STIM1: variants seen among roughly 807,000 people sequenced by gnomAD.
STIM1 encodes the protein stromal interaction molecule 1.
Under a neutral mutation model 74.7 loss-of-function variants are expected in STIM1, and 25 were observed. The ratio of observed to expected loss-of-function variants is 0.33; its 90% CI spans 0.24 to 0.47. STIM1 has a LOEUF of 0.47. Ranked by LOEUF, STIM1 falls within the 20% of genes least tolerant of loss-of-function variation. The pLI is 1.00. For synonymous variants in STIM1, 328 were observed against 348.8 expected, an observed-to-expected ratio of 0.94 and a Z score of 0.66; for missense variants, 728 against 920.8, an observed-to-expected ratio of 0.79 and a Z score of 2.71.
chr11:4,034,449 T>C (rs1226105450), intron 3 of STIM1, among the ~76,000 whole-genome samples: 2 of 152,162 alleles, frequency 1.3e-5, no homozygotes, highest in Non-Finnish European at 2.9e-5. Context: ...GTTTTGAGTG[T>C]AAAGCTAACC....
At chr11:4,011,071 G>A (rs2093831615) in intron 2 of STIM1, among the ~76,000 whole-genome samples, 1 of 152,174 alleles carries the variant, frequency 6.6e-6, no homozygotes, top group African/African-American at 2.4e-5. Context: ...TGGCTGCATA[G>A]TAGTCCATGG....
intron 1 of STIM1, among the ~76,000 whole-genome samples, chr11:3,946,306 G>A (rs1364074465): frequency 3.3e-5 from 5 of 152,152 alleles, no homozygotes; most frequent in Admixed American, 1.3e-4. Flanking sequence ...CCTGATGTGA[G>A]AATTAAATTA....
intron 1 of STIM1, among the ~76,000 whole-genome samples, chr11:3,896,862 C>G (rs1384545744): frequency 1.3e-5 from 2 of 152,128 alleles, no homozygotes; most frequent in Non-Finnish European, 2.9e-5. Flanking sequence ...AGCCTGCTTC[C>G]TCATCTATAA....
chr11:3,957,058 C>T (rs895205524), intron 1 of STIM1, among the ~76,000 whole-genome samples: 8 of 151,966 alleles, frequency 5.3e-5, no homozygotes, highest in African/African-American at 1.9e-4. Context: ...ATAAATATAT[C>T]ATGTGTCAGG....
intron 1 of STIM1, among the ~76,000 whole-genome samples, chr11:3,893,176 T>C (rs1469008601): frequency 6.6e-6 from 1 of 152,326 alleles, no homozygotes; most frequent in Middle Eastern, 3.4e-3. Context: ...ATATTTGGGA[T>C]CCATGAAAAC....
intron 1 of STIM1, among the ~76,000 whole-genome samples, chr11:3,934,217 A>C (rs1273738975): frequency 7.7e-6 from 1 of 129,640 alleles, no homozygotes; most frequent in African/African-American, 2.7e-5. Context: ...GCTTTTCAGC[A>C]CTCTTTTTTT....
intron 2 of STIM1, among the ~76,000 whole-genome samples, chr11:4,000,267 T>G (rs4910871): frequency 1.0e-5 from 1 of 98,772 alleles, no homozygotes; most frequent in African/African-American, 3.7e-5. Context: ...GATCTGAGAA[T>G]GGGCAGACTG....
intron 2 of STIM1, chr11:3,989,522 CGCGAAGCTGG>C (rs1205253353): frequency 5.1e-6 from 3 of 591,954 alleles, no homozygotes; most frequent in Non-Finnish European, 9.6e-6. Context: ...CGAGAGCCTT[CGCGAAGCTGG>C]GCTGCCTGGT....
intron 1 of STIM1, among the ~76,000 whole-genome samples, chr11:3,934,177 G>GAAGT (rs1324741253): frequency 6.6e-6 from 1 of 152,080 alleles, no homozygotes; most frequent in East Asian, 1.9e-4. Flanking sequence ...GGTGGAAGAG[G>GAAGT]AAGTGTAACA....
rs539741406 is a variant in STIM1 at position 3,868,165 on chromosome 11, G to A, written c.139+11756G>A. ...GTTGCTGGGTGGTCGAATTTGTGGA[G>A]GTCTTGTTTCAAGAAACTTTTGCTG... is the stretch of plus-strand genomic sequence containing the variant. On this transcript the variant is annotated intron_variant, in intron 1 of 12. Coordinates refer to ENST00000526596, the MANE Select transcript of STIM1 (RefSeq NM_001382567.1). 4.9e-5 allele frequency: 7 copies of A among 142,584 alleles called. No individual in the cohort carries two copies. In the South Asian group the frequency reaches 1.6e-3, roughly 32 times the overall value. 8.8% of individuals were successfully genotyped at this position (142,584 alleles called of 1,614,324 possible).
chr11:3,980,188 A>G (rs953725357), intron 2 of STIM1, among the ~76,000 whole-genome samples: 1 of 152,248 alleles, frequency 6.6e-6, no homozygotes, highest in Non-Finnish European at 1.5e-5. Flanking sequence ...CAAGCTGATT[A>G]CATATAAAGT....
chr11:4,028,046 T>C (rs1024311171), intron 3 of STIM1, among the ~76,000 whole-genome samples: 1 of 152,232 alleles, frequency 6.6e-6, no homozygotes, highest in African/African-American at 2.4e-5. Context: ...TCTCCTTTCC[T>C]GGACACTAGA....
intron 12 of STIM1, chr11:4,088,701 G>C: frequency 1.3e-6 from 2 of 1,535,784 alleles, no homozygotes; most frequent in Non-Finnish European, 1.7e-6. Flanking sequence ...CCACGCACCA[G>C]AGGATCATCT....
At chr11:3,900,459 C>G (rs1200380386) in intron 1 of STIM1, among the ~76,000 whole-genome samples, 1 of 152,210 alleles carries the variant, frequency 6.6e-6, no homozygotes, top group East Asian at 1.9e-4. Flanking sequence ...CACCCACTGT[C>G]TGGCACTCCC....
At chr11:3,936,590 C>T (rs79150151) in intron 1 of STIM1, among the ~76,000 whole-genome samples, 149 of 152,226 alleles carry the variant, frequency 9.8e-4, no homozygotes, top group African/African-American at 3.5e-3. Context: ...AAGGACGGCT[C>T]CTAGGCTCAC....
chr11:3,947,000 TG>T (rs375929344), intron 1 of STIM1, among the ~76,000 whole-genome samples: 1 of 152,144 alleles, frequency 6.6e-6, no homozygotes, highest in Non-Finnish European at 1.5e-5. Flanking sequence ...ACTTCTCTTT[TG>T]GGGGGGTCTT....
chr11:3,866,038 G>A (rs1275415451), intron 1 of STIM1, among the ~76,000 whole-genome samples: 9 of 152,124 alleles, frequency 5.9e-5, no homozygotes, highest in Admixed American at 3.3e-4. Flanking sequence ...AATAGAGAAG[G>A]TGCAGGTTCT....
intron 1 of STIM1, among the ~76,000 whole-genome samples, chr11:3,861,863 G>A (rs1398726696): frequency 6.6e-6 from 1 of 152,160 alleles, no homozygotes; most frequent in Non-Finnish European, 1.5e-5. Flanking sequence ...GTGGAGGGGA[G>A]TAGTTTCCTA....
At chr11:4,039,585 C>CAAAAAAAAAAAAAAAAAAACAAAAAA (rs2094131895) in intron 3 of STIM1, among the ~76,000 whole-genome samples, 1 of 54,478 alleles carries the variant, frequency 1.8e-5, no homozygotes, top group African/African-American at 7.1e-5. Context: ...GACTCCATCT[C>CAAAAAAAAAAAAAAAAAAACAAAAAA]AAAAAAAAAA....
Sources: allele counts gnomAD v4.1 joint callset (sites outside exome capture counted in the v4.1 genomes callset), GRCh38; gene constraint gnomAD v4.1.1; transcripts MANE v1.5; gene names NCBI Gene and HGNC (gene_info 2026-07-23, HGNC 2026-07-21).